The following ELMO1 variants were observed in gnomAD, a reference collection of about 807,000 sequenced individuals.
ELMO1 encodes the protein engulfment and cell motility 1.
In ELMO1, 26 loss-of-function variants were observed where a neutral mutation model predicts 98.9. The ratio of observed to expected loss-of-function variants is 0.26; its 90% CI spans 0.19 to 0.36. ELMO1 has a LOEUF of 0.36. Among genes scored for constraint, ELMO1 ranks in the 10% least tolerant of loss-of-function variants. The pLI, the probability that ELMO1 is intolerant of heterozygous loss-of-function variation, is 1.00. For synonymous variants in ELMO1, 346 were observed against 346.0 expected (o/e 1.00, Z 0.00); for missense variants, 627 against 935.2 (o/e 0.67, Z 4.30).
At chr7:37,101,421 G>A (rs942619683) in intron 14 of ELMO1, among the ~76,000 whole-genome samples, 6 of 152,256 alleles carry the variant, frequency 3.9e-5, no homozygotes, top group African/African-American at 1.4e-4. Flanking sequence ...GACAGCTAGC[G>A]CTCAAAATTC....
At chr7:37,096,442 C>T (rs1426656914) in intron 15 of ELMO1, among the ~76,000 whole-genome samples, 177 bp downstream of exon 15, 1 of 152,120 alleles carries the variant, frequency 6.6e-6, no homozygotes, top group East Asian at 1.9e-4. Context: ...TACTTCCAGA[C>T]CAGACATGCA....
chr7:37,389,180 T>C (rs1802954599), intron 1 of ELMO1, among the ~76,000 whole-genome samples: 1 of 152,212 alleles, frequency 6.6e-6, no homozygotes. Context: ...TGGGCATGGC[T>C]GTGCCCTGTT....
At chr7:37,020,966 A>C (rs1395932526) in intron 15 of ELMO1, among the ~76,000 whole-genome samples, 1 of 152,224 alleles carries the variant, frequency 6.6e-6, no homozygotes, top group Non-Finnish European at 1.5e-5. Context: ...TTGTGGTTCT[A>C]GGGTCAGTCT....
At chr7:37,281,708 AAACTTTTCT>A (rs1797151345) in intron 4 of ELMO1, among the ~76,000 whole-genome samples, 2 of 152,228 alleles carry the variant, frequency 1.3e-5, no homozygotes, top group Admixed American at 6.5e-5. Context: ...GTCACAGTCT[AAACTTTTCT>A]AAGACTACAC....
At chr7:36,923,174 T>C (rs186553413) in intron 16 of ELMO1, among the ~76,000 whole-genome samples, 6 of 152,322 alleles carry the variant, frequency 3.9e-5, no homozygotes, top group Admixed American at 3.3e-4. Context: ...TTTTCTTTTC[T>C]AGCATCCCTC....
intron 15 of ELMO1, among the ~76,000 whole-genome samples, chr7:37,039,964 ACATTACATTGTATTACAGTATAT>A (rs1795406226): frequency 6.6e-6 from 1 of 152,228 alleles, no homozygotes; most frequent in African/African-American, 2.4e-5. Context: ...CTGTAATGTA[ACATTACATTGTATTACAGTATAT>A]TACAATGTTG....
intron 1 of ELMO1, among the ~76,000 whole-genome samples, chr7:37,434,302 G>A (rs1169337627): frequency 6.6e-6 from 1 of 152,114 alleles, no homozygotes; most frequent in African/African-American, 2.4e-5. Context: ...CGTGCACTGG[G>A]ATCACCTGAG....
intron 16 of ELMO1, among the ~76,000 whole-genome samples, chr7:36,996,539 T>A (rs1792225497): frequency 6.6e-6 from 1 of 152,204 alleles, no homozygotes; most frequent in Admixed American, 6.5e-5. Context: ...CCTTTGGAAT[T>A]CTGCAGCATT....
At chr7:37,395,021 G>C (rs929907462) in intron 1 of ELMO1, among the ~76,000 whole-genome samples, 2 of 152,168 alleles carry the variant, frequency 1.3e-5, no homozygotes, top group Admixed American at 6.5e-5. Context: ...AGCATAGCTG[G>C]GAGTAGTTTT....
chr7:37,043,726 C>T (rs1368872784), intron 15 of ELMO1, among the ~76,000 whole-genome samples: 1 of 152,084 alleles, frequency 6.6e-6, no homozygotes, highest in South Asian at 2.1e-4. Flanking sequence ...ATCTAATGTG[C>T]AGGCAGGATG....
intron 7 of ELMO1, among the ~76,000 whole-genome samples, chr7:37,236,404 T>C (rs1170870331): frequency 6.6e-6 from 1 of 152,150 alleles, no homozygotes; most frequent in Non-Finnish European, 1.5e-5. Context: ...GTGGGAATGA[T>C]TGGTAAGTGA....
chr7:36,902,568 A>AG (rs1783653373), intron 16 of ELMO1, among the ~76,000 whole-genome samples: 1 of 152,260 alleles, frequency 6.6e-6, no homozygotes, highest in Non-Finnish European at 1.5e-5. Flanking sequence ...AATGGTCCAC[A>AG]GCAGACTGAA....
At chr7:37,091,370 G>T (rs1237430392) in intron 15 of ELMO1, among the ~76,000 whole-genome samples, 1 of 152,182 alleles carries the variant, frequency 6.6e-6, no homozygotes, top group Non-Finnish European at 1.5e-5. Flanking sequence ...GCCGCTGAAA[G>T]TGCTGGGATT....
Position 37,101,420 on chromosome 7 carries a change from C to T in ELMO1, c.1192-4693G>A, listed in dbSNP as rs540376251. On this transcript the variant is annotated intron_variant, in intron 14 of 21. Transcript: ENST00000310758. ...TAGCCGGTGACCGAGAGACAGCTAG[C>T]GCTCAAAATTCTCTTGGCCCCGAAG... Among the ~76,000 whole-genome samples, 7 of 152,256 alleles carry T rather than the reference C, an allele frequency of 4.6e-5. No homozygotes were observed. In the South Asian group the frequency reaches 6.2e-4, roughly 14 times the overall value.
At chr7:37,185,123 G>C (rs1791122601) in intron 13 of ELMO1, among the ~76,000 whole-genome samples, 1 of 152,146 alleles carries the variant, frequency 6.6e-6, no homozygotes, top group Admixed American at 6.5e-5. Flanking sequence ...GAGTTATTCT[G>C]AATCAAATAT....
intron 16 of ELMO1, among the ~76,000 whole-genome samples, chr7:36,926,704 C>T (rs889270807): frequency 5.3e-5 from 8 of 152,126 alleles, no homozygotes; most frequent in Non-Finnish European, 8.8e-5. Flanking sequence ...TCTTAATATA[C>T]GGAGATGCAA....
rs530532839 is a variant in ELMO1, at chr7:36,892,955, T to C, written c.1601+1899A>G. Among the ~76,000 whole-genome samples, 283 of 149,900 alleles carry C rather than the reference T, an allele frequency of 1.9e-3. 1 individual carries two copies. Among genetic ancestry groups the C allele is most frequent in the African/African-American group, 6.5e-3 (255 of 39,324 alleles). ...TTTCAAAGATAAGAGCATCTTATAATAAAGGGGAAAGAAACTTCAGAATGT... is the reference window on the plus strand; with the variant it reads ...TTTCAAAGATAAGAGCATCTTATAACAAAGGGGAAAGAAACTTCAGAATGT... On this transcript the variant is annotated intron_variant, in intron 17 of 21. Transcript: ENST00000310758.
At position 37,235,828 on chromosome 7, in the gene ELMO1, C is replaced by T. The variant is rs549513643; in HGVS notation, c.450-2634G>A. ...GGCGCCTGTAGTTCCAGCTACTCTA[C>T]TCAGAAGGCTGAACCCAGGAGGTGG... On this transcript the variant is annotated intron_variant, in intron 7 of 21. Coordinates refer to ENST00000310758, the MANE Select transcript of ELMO1 (RefSeq NM_014800.11). Among the ~76,000 whole-genome samples the T allele has an allele frequency of 7.2e-5, 11 of 152,186 alleles. 1 individual carries two copies. The South Asian group carries it at 1.5e-3, about 20-fold the overall frequency.
intron 1 of ELMO1, among the ~76,000 whole-genome samples, chr7:37,386,523 A>G (rs191222576): frequency 3.9e-5 from 6 of 152,198 alleles, no homozygotes; most frequent in Admixed American, 1.3e-4. Flanking sequence ...AGGACGCCAC[A>G]GGAGAGAGCA....
Sources: gnomAD v4.1 joint callset for allele counts (sites outside exome capture counted in the v4.1 genomes callset) on GRCh38, gnomAD v4.1.1 for gene constraint, MANE v1.5 for transcripts, NCBI Gene and HGNC (gene_info 2026-07-23, HGNC 2026-07-21) for gene names.